PPP1R9A: variants seen among roughly 807,000 people sequenced by gnomAD.
PPP1R9A encodes the protein neurabin-1.
A neutral mutation model predicts 141.9 loss-of-function variants in PPP1R9A; 59 were observed. The observed-to-expected ratio is 0.42, with a 90% confidence interval of 0.34 to 0.52. The LOEUF (loss-of-function observed/expected upper bound fraction) is 0.52. Among genes scored for constraint, PPP1R9A ranks in the 20% least tolerant of loss-of-function variants. The pLI is 0.10. For missense variants in PPP1R9A, 1,444 were observed against 1,611.9 expected (o/e 0.90, Z 1.78); for synonymous variants, 500 against 569.7 (o/e 0.88, Z 1.74).
At chr7:94,948,227 A>G (rs748994333) in intron 2 of PPP1R9A, among the ~76,000 whole-genome samples, 3 of 152,022 alleles carry the variant, frequency 2.0e-5, no homozygotes, top group Non-Finnish European at 4.4e-5. Flanking sequence ...ATGATGAATT[A>G]GAAACCTGTC....
intron 4 of PPP1R9A, among the ~76,000 whole-genome samples, chr7:95,151,371 G>A (rs1452672211): frequency 2.0e-5 from 3 of 152,214 alleles, no homozygotes; most frequent in African/African-American, 4.8e-5. Flanking sequence ...AATGTGAAAA[G>A]CCTACATACT....
rs567985245 is a variant in PPP1R9A at position 95,292,649 on chromosome 7, A to G, written c.*2346A>G. The G allele has an allele frequency of 6.6e-6, 1 of 152,214 alleles. No homozygotes were observed. The highest frequency in any genetic ancestry group is 1.5e-5 in the Non-Finnish European group (1 of 68,032). 9.4% of individuals were successfully genotyped at this position (152,214 alleles called of 1,614,324 possible). On this transcript the variant is annotated 3_prime_UTR_variant, in exon 20 of 20. Transcript: ENST00000433360. ...TGTTATAAATCAAATTCTTATTCCT[A>G]AAATCATTTAGTATTATAAGTATTT...
At chr7:95,143,637 C>G (rs1035032684) in intron 4 of PPP1R9A, among the ~76,000 whole-genome samples, 4 of 152,240 alleles carry the variant, frequency 2.6e-5, no homozygotes, top group South Asian at 2.1e-4. Context: ...CAGTTTTCCT[C>G]CTTATGAAAC....
intron 2 of PPP1R9A, among the ~76,000 whole-genome samples, chr7:94,997,637 C>T (rs1481125837): frequency 6.6e-6 from 1 of 152,160 alleles, no homozygotes; most frequent in African/African-American, 2.4e-5. Flanking sequence ...TAGCTTGCAG[C>T]TCCCCAGTAA....
chr7:95,055,392 T>C (rs962080034), intron 2 of PPP1R9A, among the ~76,000 whole-genome samples: 3 of 151,150 alleles, frequency 2.0e-5, no homozygotes, highest in East Asian at 1.9e-4. Context: ...GTTCTTGATA[T>C]GGAGTTAATT....
intron 4 of PPP1R9A, among the ~76,000 whole-genome samples, chr7:95,147,275 A>G: frequency 6.6e-6 from 1 of 152,070 alleles, no homozygotes; most frequent in Non-Finnish European, 1.5e-5. Flanking sequence ...TGGGAGTTCA[A>G]TCATGATTTG....
chr7:95,260,393 T>C (rs561171358), intron 12 of PPP1R9A, among the ~76,000 whole-genome samples: 4 of 152,214 alleles, frequency 2.6e-5, no homozygotes, highest in African/African-American at 7.2e-5. Flanking sequence ...CTGGGAGATA[T>C]CTAGGCCAGG....
rs764147197 is a variant in PPP1R9A at position 95,198,328 on chromosome 7, T to C, written c.1755-21T>C. 4.4e-6 allele frequency: 7 copies of C among 1,582,004 alleles called. No individual in the cohort carries two copies. In the South Asian group the frequency reaches 8.2e-5, roughly 18 times the overall value. Reference sequence around the variant, plus strand: ...TTTGTTGGAGAGTCTTAAATATTAGTCTTTGTTAACCTTTCCACAGATTTG... The same window carrying C: ...TTTGTTGGAGAGTCTTAAATATTAGCCTTTGTTAACCTTTCCACAGATTTG... On this transcript the variant is annotated intron_variant, in intron 5 of 19. Transcript: ENST00000433360.
intron 8 of PPP1R9A, among the ~76,000 whole-genome samples, chr7:95,244,436 C>T (rs1797848141): frequency 6.6e-6 from 1 of 152,148 alleles, no homozygotes; most frequent in African/African-American, 2.4e-5. Flanking sequence ...ATAAATGTCA[C>T]ACCTGTTGTA....
At chr7:95,110,295 T>G (rs1308424066) in intron 2 of PPP1R9A, among the ~76,000 whole-genome samples, 1 of 152,194 alleles carries the variant, frequency 6.6e-6, no homozygotes, top group Non-Finnish European at 1.5e-5. Context: ...TGGCCTTCTT[T>G]TCTGCCTTCT....
intron 2 of PPP1R9A, among the ~76,000 whole-genome samples, chr7:95,086,147 T>C (rs1224027281): frequency 3.3e-5 from 5 of 151,998 alleles, no homozygotes; most frequent in Admixed American, 6.6e-5. Flanking sequence ...AATTCCTATA[T>C]ACTCCACACC....
chr7:94,918,449 C>T (rs1010493994), intron 2 of PPP1R9A, among the ~76,000 whole-genome samples: 3 of 151,958 alleles, frequency 2.0e-5, no homozygotes, highest in African/African-American at 7.3e-5. Context: ...GTGGTGCACT[C>T]ACTCTTCTTT....
rs755847646 is a variant in PPP1R9A, at chr7:95,284,039, A to G, written c.3318A>G (p.Glu1106=). Residue 1106 remains glutamate (E), a synonymous_variant, in exon 17 of 20, where the codon GAA becomes GAG. Transcript: ENST00000433360. The part of the protein sequence containing the change: ...AGSRIFRGRL[E]NWTPKPCSTA... Reference sequence around the variant, plus strand: ...ACAGGATCTTCAGAGGCAGACTGGAAAACTGGACACCCAAGCCATGTTCAA... The same window carrying G: ...ACAGGATCTTCAGAGGCAGACTGGAGAACTGGACACCCAAGCCATGTTCAA... The G allele has an allele frequency of 6.3e-7, 1 of 1,595,892 alleles. No homozygotes were observed.
At chr7:94,948,743 G>A (rs906715066) in intron 2 of PPP1R9A, among the ~76,000 whole-genome samples, 4 of 152,006 alleles carry the variant, frequency 2.6e-5, no homozygotes, top group Admixed American at 2.0e-4. Flanking sequence ...TAATCCTTTT[G>A]TCATTCTCCT....
intron 2 of PPP1R9A, among the ~76,000 whole-genome samples, chr7:95,071,788 A>G (rs1813849927): frequency 6.6e-6 from 1 of 152,010 alleles, no homozygotes. Context: ...TTTAGAAAAT[A>G]CAGAAATAAA....
chr7:95,216,922 A>T (rs1014973392), intron 7 of PPP1R9A, among the ~76,000 whole-genome samples: 1 of 152,176 alleles, frequency 6.6e-6, no homozygotes, highest in African/African-American at 2.4e-5. Flanking sequence ...AACAGGGACA[A>T]TTTGACTTCC....
chr7:95,202,111 G>T (rs574798370), intron 6 of PPP1R9A, among the ~76,000 whole-genome samples: 1 of 152,210 alleles, frequency 6.6e-6, no homozygotes, highest in African/African-American at 2.4e-5. Flanking sequence ...AAACTATATT[G>T]AGAAAGATTA....
chr7:95,049,754 C>T (rs1379463877), intron 2 of PPP1R9A, among the ~76,000 whole-genome samples: 1 of 152,158 alleles, frequency 6.6e-6, no homozygotes, highest in East Asian at 1.9e-4. Flanking sequence ...TCAGAATGTA[C>T]TATAGTTGGA....
chr7:95,120,930 T>G, intron 4 of PPP1R9A, 98 bp downstream of exon 4: 1 of 1,441,288 alleles, frequency 6.9e-7, no homozygotes, highest in Non-Finnish European at 9.4e-7. Flanking sequence ...GTTGATTTTT[T>G]AGGATAGAAT....
Sources: gnomAD v4.1 joint callset for allele counts (sites outside exome capture counted in the v4.1 genomes callset) on GRCh38, gnomAD v4.1.1 for gene constraint, MANE v1.5 for transcripts, NCBI Gene and HGNC (gene_info 2026-07-23, HGNC 2026-07-21) for gene names.